Variants in ADAM10 observed in about 807,000 individuals in gnomAD.
ADAM10 encodes the protein ADAM metallopeptidase domain 10.
Under a neutral mutation model 90.1 loss-of-function variants are expected in ADAM10, and 17 were observed. That is an observed-to-expected ratio of 0.19 (90% confidence interval 0.13 to 0.28). The LOEUF (loss-of-function observed/expected upper bound fraction) is 0.28. Among genes scored for constraint, ADAM10 ranks in the 10% least tolerant of loss-of-function variants. The probability of loss-of-function intolerance (pLI) is 1.00; values close to 1 mark genes in which losing one functional copy is unlikely to be tolerated. For synonymous variants in ADAM10, 310 were observed against 298.6 expected (o/e 1.04, Z -0.40); for missense variants, 610 against 914.3 (o/e 0.67, Z 4.29).
intron 7 of ADAM10, 113 bp from the exon 8 acceptor site, chr15:58,641,073 G>T: frequency 1.9e-6 from 2 of 1,056,006 alleles, no homozygotes; most frequent in Non-Finnish European, 1.4e-6. Context: ...ATGGAAATCA[G>T]GCCTGAATTA....
intron 1 of ADAM10, chr15:58,749,049 T>G: frequency 2.5e-6 from 1 of 398,818 alleles, no homozygotes; most frequent in Non-Finnish European, 4.4e-6. Flanking sequence ...GGGGGAGGAA[T>G]GGTGAGCAGG....
At chr15:58,711,463 T>C (rs796480914) in intron 2 of ADAM10, among the ~76,000 whole-genome samples, 4 of 152,326 alleles carry the variant, frequency 2.6e-5, no homozygotes, top group African/African-American at 9.6e-5. Flanking sequence ...CTAGATTTCA[T>C]GTCAAGTCAG....
intron 4 of ADAM10, among the ~76,000 whole-genome samples, chr15:58,676,718 G>A (rs1455045687): frequency 1.3e-5 from 2 of 152,128 alleles, no homozygotes; most frequent in Non-Finnish European, 2.9e-5. Context: ...TCACAGAGCT[G>A]AGGTAGGAGG....
chr15:58,633,284 A>G lies in ADAM10; in HGVS notation c.1088T>C (p.Ile363Thr). ...ATGAGACCCATAGTTCTGAACAGTA[A>G]TAATTCCAGTGTTTAAGGACTTCTT... ...GKKKSLNTGIITVQNYGSHVP... is the reference protein window; with the variant it reads ...GKKKSLNTGITTVQNYGSHVP... Residue 363 changes from isoleucine (I) to threonine (T), a missense_variant, in exon 9 of 16, where the codon ATT becomes ACT. By Grantham distance (89) the Ile-to-Thr change is moderately conservative. This residue lies in a region of ADAM10 where 97 missense variants were observed against 221.4 expected (regional missense o/e 0.44). Transcript: ENST00000260408. 6.2e-7 allele frequency: 1 copy of G among 1,613,178 alleles called. No individual in the cohort carries two copies. Among genetic ancestry groups the G allele is most frequent in the Non-Finnish European group, 8.5e-7 (1 of 1,179,200 alleles).
intron 1 of ADAM10, among the ~76,000 whole-genome samples, chr15:58,720,815 A>C (rs1898827599): frequency 6.6e-6 from 1 of 152,240 alleles, no homozygotes; most frequent in South Asian, 2.1e-4. Context: ...AGCAAAAAAG[A>C]AGAAATCAAT....
intron 2 of ADAM10, among the ~76,000 whole-genome samples, chr15:58,715,982 T>G (rs978963684): frequency 6.6e-6 from 1 of 152,322 alleles, no homozygotes; most frequent in Middle Eastern, 3.4e-3. Flanking sequence ...GACTAATGAT[T>G]GCTTGTAATT....
intron 2 of ADAM10, chr15:58,692,562 G>A (rs780279845): frequency 4.0e-5 from 22 of 546,400 alleles, no homozygotes; most frequent in South Asian, 5.7e-5. Context: ...AATAAACGGC[G>A]ATAAGACAGC....
In ADAM10 at chr15:58,638,473, C is replaced by T. The variant is rs374960471; in HGVS notation, c.1012+2304G>A. Among the ~76,000 whole-genome samples, 183 of 151,572 alleles carry T rather than the reference C, an allele frequency of 1.2e-3. 1 individual carries two copies. The highest frequency in any genetic ancestry group is 3.9e-3 in the African/African-American group (160 of 41,346). ...CACTAAAAATATAAAAAATTAGCCA[C>T]GCATGGTGGCGGGCGCCTGTAGACC... On this transcript the variant is annotated intron_variant, in intron 8 of 15. Coordinates refer to ENST00000260408, the MANE Select transcript of ADAM10 (RefSeq NM_001110.4).
chr15:58,618,946 T>C (rs1895699611), intron 11 of ADAM10, among the ~76,000 whole-genome samples: 1 of 152,154 alleles, frequency 6.6e-6, no homozygotes, highest in Non-Finnish European at 1.5e-5. Context: ...TGTAAACTGG[T>C]ATAGAAGTTC....
At chr15:58,661,560 C>T (rs1009486155) in intron 5 of ADAM10, among the ~76,000 whole-genome samples, 8 of 151,918 alleles carry the variant, frequency 5.3e-5, no homozygotes, top group African/African-American at 1.5e-4. Context: ...CTTTTCTCTG[C>T]CTGCTTTTAT....
chr15:58,725,776 C>T (rs1420894948), intron 1 of ADAM10, among the ~76,000 whole-genome samples: 2 of 151,832 alleles, frequency 1.3e-5, no homozygotes, highest in East Asian at 1.9e-4. Flanking sequence ...TAAAGTACTA[C>T]AAGAAAAAAA....
Position 58,591,273 on chromosome 15 carries a change from C to A in ADAM10, c.*6274G>T, listed in dbSNP as rs1894819594. ...AATTAATTATTCATTGTAACTGGAG[C>A]AGAATATAATTATGTTAGCTTGACT... On this transcript the variant is annotated 3_prime_UTR_variant, in exon 16 of 16. Transcript: ENST00000260408. The A allele has an allele frequency of 6.6e-6, 1 of 152,132 alleles. No homozygotes were observed. Among genetic ancestry groups the A allele is most frequent in the Non-Finnish European group, 1.5e-5 (1 of 68,040 alleles). The allele number at this position is 152,132 out of a possible 1,614,324, so 9.4% of individuals were successfully genotyped here. A position where few individuals can be genotyped will look rare whatever the true frequency, so the allele number is the denominator to read the frequency against.
intron 6 of ADAM10, 117 bp downstream of exon 6, chr15:58,645,938 A>C: frequency 1.8e-6 from 2 of 1,112,202 alleles, no homozygotes; most frequent in Non-Finnish European, 2.7e-6. Context: ...TCACATCACA[A>C]CTGAAAACAC....
intron 1 of ADAM10, among the ~76,000 whole-genome samples, chr15:58,724,642 G>C (rs1488634880): frequency 1.3e-5 from 2 of 152,196 alleles, no homozygotes; most frequent in East Asian, 3.8e-4. Flanking sequence ...GGAGGAAGCT[G>C]AACAGAGAGA....
intron 5 of ADAM10, among the ~76,000 whole-genome samples, chr15:58,654,117 G>C (rs1390626201): frequency 2.0e-5 from 3 of 151,162 alleles, no homozygotes; most frequent in Non-Finnish European, 4.4e-5. Context: ...CTGGCTAAAG[G>C]TTTGTCAATT....
At chr15:58,615,191 G>A (rs1018132113) in intron 11 of ADAM10, among the ~76,000 whole-genome samples, 3 of 149,888 alleles carry the variant, frequency 2.0e-5, no homozygotes, top group Non-Finnish European at 4.4e-5. Context: ...GGAGAATGGC[G>A]TGAACCCAGG....
chr15:58,740,981 T>C (rs1004580622), intron 1 of ADAM10, among the ~76,000 whole-genome samples: 3 of 152,204 alleles, frequency 2.0e-5, no homozygotes, highest in Admixed American at 2.0e-4. Context: ...ATAATATTTA[T>C]ATAGTACTTT....
chr15:58,722,067 C>A (rs140987206), intron 1 of ADAM10, among the ~76,000 whole-genome samples: 1 of 148,900 alleles, frequency 6.7e-6, no homozygotes, highest in Non-Finnish European at 1.5e-5. Context: ...AGGCCGGGCA[C>A]GGTGGCTCAT....
chr15:58,628,497 T>G (rs1463648005), intron 9 of ADAM10, among the ~76,000 whole-genome samples: 1 of 152,208 alleles, frequency 6.6e-6, no homozygotes, highest in African/African-American at 2.4e-5. Flanking sequence ...CAGAGTTCTG[T>G]GTACACGTAA....
Sources: gnomAD v4.1 joint callset for allele counts (sites outside exome capture counted in the v4.1 genomes callset) on GRCh38, gnomAD v4.1.1 for gene constraint, gnomAD v4.1.1 regional missense constraint, MANE v1.5 for transcripts, NCBI Gene and HGNC (gene_info 2026-07-23, HGNC 2026-07-21) for gene names.